UGT1A6: variants seen among roughly 807,000 people sequenced by gnomAD.
UGT1A6 encodes UDP glucuronosyltransferase family 1 member A6.
Under a neutral mutation model 44.4 loss-of-function variants are expected in UGT1A6, and 32 were observed. That is an observed-to-expected ratio of 0.72 (90% CI 0.54 to 0.97). The LOEUF (loss-of-function observed/expected upper bound fraction) is 0.97. Among genes scored for constraint, UGT1A6 ranks in the 50% least tolerant of loss-of-function variants. The probability of loss-of-function intolerance (pLI) is 0.00; values close to 1 mark genes in which losing one functional copy is unlikely to be tolerated. For missense variants in UGT1A6, 685 were observed against 661.9 expected, an observed-to-expected ratio of 1.03 and a Z score of -0.38; for synonymous variants, 238 against 248.5, an observed-to-expected ratio of 0.96 and a Z score of 0.40.
At chr2:233,700,606 T>G (rs189379558) in intron 1 of UGT1A6, among the ~76,000 whole-genome samples, 23 of 152,322 alleles carry the variant, frequency 1.5e-4, no homozygotes, top group Admixed American at 4.6e-4. Flanking sequence ...TTCACTCTTT[T>G]TTTGGGGGGG....
rs45510694 is a variant in UGT1A6, at chr2:233,718,970, G to C, written c.861+25105G>C. ...TCAGCATGCGGGAGGCCTTGCGGGA[G>C]CTCCATGCCAGAGGCCACCAGGCGG... On this transcript the variant is annotated intron_variant, in intron 1 of 4. Coordinates refer to ENST00000305139, the MANE Select transcript of UGT1A6 (RefSeq NM_001072.4). 4.6e-4 allele frequency: 737 copies of C among 1,614,150 alleles called. 2 individuals are homozygous for C. Among genetic ancestry groups the C allele is most frequent in the Middle Eastern group, 3.8e-3 (23 of 6,058 alleles).
At chr2:233,700,561 A>G (rs968515143) in intron 1 of UGT1A6, among the ~76,000 whole-genome samples, 3 of 152,202 alleles carry the variant, frequency 2.0e-5, no homozygotes, top group African/African-American at 7.2e-5. Context: ...TTATAAAAAT[A>G]TAACTTTATT....
intron 1 of UGT1A6, chr2:233,719,052 A>G (rs200903552): frequency 2.5e-6 from 4 of 1,614,270 alleles, no homozygotes; most frequent in African/African-American, 1.3e-5. Context: ...TTTCACCCTG[A>G]CAGCCTATGC....
intron 1 of UGT1A6, chr2:233,719,355 G>GAT (rs1195086069): frequency 6.2e-7 from 1 of 1,613,794 alleles, no homozygotes; most frequent in Non-Finnish European, 8.5e-7. Context: ...CATTCCATGT[G>GAT]ACTTAGACTT....
rs540500479 is a variant in UGT1A6 at position 233,771,122 on chromosome 2, G to A, written c.1302-1140G>A. On this transcript the variant is annotated intron_variant, in intron 4 of 4. Coordinates refer to ENST00000305139, the MANE Select transcript of UGT1A6 (RefSeq NM_001072.4). ...GACAGCACTAAAGCACAAGGGATCCGACCCCATGATCCAAACACCTCCCAC... is the reference window on the plus strand; with the variant it reads ...GACAGCACTAAAGCACAAGGGATCCAACCCCATGATCCAAACACCTCCCAC... 7.1e-4 allele frequency: 108 copies of A among 152,186 alleles called. 1 individual carries two copies. The highest frequency in any genetic ancestry group is 2.5e-3 in the African/African-American group (104 of 41,518). 9.4% of individuals were successfully genotyped at this position (152,186 alleles called of 1,614,324 possible). A position where few individuals can be genotyped will look rare whatever the true frequency, so the allele number is the denominator to read the frequency against.
intron 1 of UGT1A6, among the ~76,000 whole-genome samples, chr2:233,701,433 A>G (rs2075627633): frequency 6.6e-6 from 1 of 152,256 alleles, no homozygotes; most frequent in Admixed American, 6.5e-5. Context: ...TAGACAGATC[A>G]ACGAGACAGA....
intron 1 of UGT1A6, among the ~76,000 whole-genome samples, chr2:233,711,702 C>A (rs1389378029): frequency 3.3e-5 from 5 of 152,302 alleles, no homozygotes; most frequent in South Asian, 2.1e-4. Context: ...AACTTCCTCC[C>A]TAAGGGAAGC....
intron 1 of UGT1A6, 77 bp from the exon 2 acceptor site, chr2:233,766,957 C>A: frequency 6.2e-7 from 1 of 1,604,766 alleles, no homozygotes; most frequent in East Asian, 2.2e-5. Context: ...AGGAAGATAT[C>A]TAATTCATAA....
rs551497641 is a variant in UGT1A6 at position 233,769,657 on chromosome 2, C to T, written c.1301+1218C>T. ...GGGAGGACTGATGACTGACTTCCCA[C>T]CTTTGAGGTGCTAATGTGTGTGTGG... On this transcript the variant is annotated intron_variant, in intron 4 of 4. Transcript: ENST00000305139. This position sits in a 1 kb window ranked among gnomAD's most constrained non-coding sequence, Gnocchi z 4.4. 6.2e-7 allele frequency: 1 copy of T among 1,602,246 alleles called. No individual in the cohort carries two copies. Among genetic ancestry groups the T allele is most frequent in the African/African-American group, 1.3e-5 (1 of 74,712 alleles).
chr2:233,721,857 G>A (rs12475934), intron 1 of UGT1A6: 43,430 of 508,934 alleles, frequency 0.085, 2,681 homozygotes, highest in East Asian at 0.2. Context: ...CCCACTGCTC[G>A]GCCCTGGGCA....
chr2:233,765,409 TGG>T (rs1441721232), intron 1 of UGT1A6, among the ~76,000 whole-genome samples: 3 of 152,208 alleles, frequency 2.0e-5, no homozygotes, highest in African/African-American at 7.2e-5. Flanking sequence ...ATATACACCA[TGG>T]AATACTATGC....
At chr2:233,707,758 G>A (rs2075985485) in intron 1 of UGT1A6, among the ~76,000 whole-genome samples, 1 of 152,172 alleles carries the variant, frequency 6.6e-6, no homozygotes, top group African/African-American at 2.4e-5. Flanking sequence ...TGAAACACAT[G>A]TGAGTGGGTT....
At chr2:233,700,807 GGT>G (rs2075588613) in intron 1 of UGT1A6, among the ~76,000 whole-genome samples, 1 of 151,690 alleles carries the variant, frequency 6.6e-6, no homozygotes, top group African/African-American at 2.4e-5. Context: ...GTGCCATGTT[GGT>G]GTGCTGCACC....
In UGT1A6 at chr2:233,700,778, T is replaced by C. The variant is rs550912505; in HGVS notation, c.861+6913T>C. On this transcript the variant is annotated intron_variant, in intron 1 of 4. Transcript: ENST00000305139. ...GGGTACATGTGCACAACGTACAGGT[T>C]TGTTACATATGTATACATGTGCCAT... Among the ~76,000 whole-genome samples, 10 of 152,260 alleles carry C rather than the reference T, an allele frequency of 6.6e-5. No homozygotes were observed. In the East Asian group the frequency reaches 9.6e-4, roughly 15 times the overall value.
At chr2:233,759,467 C>T (rs1000519909) in intron 1 of UGT1A6, among the ~76,000 whole-genome samples, 1 of 152,186 alleles carries the variant, frequency 6.6e-6, no homozygotes, top group Non-Finnish European at 1.5e-5. Flanking sequence ...CACTCAAGAT[C>T]TATCTTACAG....
At chr2:233,692,224 G>A (rs996571902), upstream of UGT1A6, 1 of 152,382 alleles carries the variant, frequency 6.6e-6, no homozygotes, top group Admixed American at 6.5e-5. Context: ...AGAGATGGCA[G>A]ATGGGGCTCC....
intron 1 of UGT1A6, among the ~76,000 whole-genome samples, chr2:233,701,125 G>T (rs535015875): frequency 1.6e-4 from 24 of 152,142 alleles, no homozygotes; most frequent in Non-Finnish European, 4.4e-5. Context: ...ATCATTGAGG[G>T]ACATTTAGGT....
chr2:233,752,593 T>C (rs896301003), intron 1 of UGT1A6: 3 of 152,046 alleles, frequency 2.0e-5, no homozygotes, highest in African/African-American at 7.2e-5. Flanking sequence ...CTCTACAAGA[T>C]TTTTTTTAAA....
intron 1 of UGT1A6, among the ~76,000 whole-genome samples, chr2:233,756,791 A>C (rs1696326658): frequency 6.6e-6 from 1 of 152,088 alleles, no homozygotes; most frequent in Non-Finnish European, 1.5e-5. Context: ...ATTGTGGGGC[A>C]ATACACTAGT....
Sources: gnomAD v4.1 joint callset for allele counts (sites outside exome capture counted in the v4.1 genomes callset) on GRCh38, gnomAD v4.1.1 for gene constraint, Gnocchi (gnomAD v3.1) non-coding constraint, MANE v1.5 for transcripts, NCBI Gene and HGNC (gene_info 2026-07-23, HGNC 2026-07-21) for gene names.